Variants in DOCK1 observed in about 807,000 individuals in gnomAD.
DOCK1 encodes the protein dedicator of cytokinesis protein 1.
DOCK1 carries 138 observed loss-of-function variants against 262.7 expected under a neutral mutation model. The observed-to-expected ratio is 0.53, with a 90% confidence interval of 0.46 to 0.61. The LOEUF (loss-of-function observed/expected upper bound fraction) is 0.61, where lower values mean the gene tolerates loss of function less well. DOCK1 is among the 20% of genes least tolerant of loss of function. The probability of loss-of-function intolerance (pLI) is 0.00; values close to 1 mark genes in which losing one functional copy is unlikely to be tolerated. For missense variants in DOCK1, 1,908 were observed against 2,370.7 expected, an observed-to-expected ratio of 0.80 and a Z score of 4.05; for synonymous variants, 866 against 867.4, an observed-to-expected ratio of 1.00 and a Z score of 0.03.
intron 23 of DOCK1, among the ~76,000 whole-genome samples, chr10:127,064,247 A>G (rs2045716949): frequency 6.6e-6 from 1 of 152,126 alleles, no homozygotes; most frequent in African/African-American, 2.4e-5. Context: ...AGTTGGGATT[A>G]CAGGCACCCG....
At chr10:127,222,732 C>T (rs187224433) in intron 27 of DOCK1, among the ~76,000 whole-genome samples, 27 of 151,932 alleles carry the variant, frequency 1.8e-4, no homozygotes, top group Non-Finnish European at 4.0e-4. Flanking sequence ...GTGGTATGAT[C>T]GTGGCTCACT....
intron 27 of DOCK1, among the ~76,000 whole-genome samples, chr10:127,189,085 G>C (rs143409879): frequency 4.6e-5 from 7 of 152,294 alleles, no homozygotes; most frequent in African/African-American, 1.7e-4. Flanking sequence ...GCACACCTTG[G>C]GATGTGTTGT....
chr10:126,906,337 G>C (rs886410947), intron 1 of DOCK1, among the ~76,000 whole-genome samples: 5 of 152,124 alleles, frequency 3.3e-5, no homozygotes, highest in Non-Finnish European at 7.4e-5. Context: ...CTGAATAGAC[G>C]GGCCCGTCCG....
intron 37 of DOCK1, among the ~76,000 whole-genome samples, chr10:127,382,920 A>G (rs1188061215): frequency 1.3e-5 from 2 of 152,212 alleles, no homozygotes; most frequent in Non-Finnish European, 2.9e-5. Flanking sequence ...GCCCAATTGC[A>G]TTGCTGTTTC....
intron 27 of DOCK1, among the ~76,000 whole-genome samples, chr10:127,139,464 C>T (rs966737868): frequency 2.6e-5 from 4 of 151,908 alleles, no homozygotes; most frequent in Non-Finnish European, 5.9e-5. Context: ...ATCCTTTTCC[C>T]TTTTTTCGAA....
At chr10:126,958,330 G>A (rs2134495252) in intron 1 of DOCK1, among the ~76,000 whole-genome samples, 1 of 152,286 alleles carries the variant, frequency 6.6e-6, no homozygotes, top group South Asian at 2.1e-4. Flanking sequence ...CACGGTCTTT[G>A]TGTAATACGC....
chr10:127,054,328 G>C (rs1274743016), intron 22 of DOCK1, among the ~76,000 whole-genome samples: 2 of 152,176 alleles, frequency 1.3e-5, no homozygotes, highest in Non-Finnish European at 2.9e-5. Context: ...GTGTGCTTCT[G>C]TTCACTCTGG....
chr10:127,335,909 G>T (rs1244866303), intron 29 of DOCK1, among the ~76,000 whole-genome samples: 1 of 151,930 alleles, frequency 6.6e-6, no homozygotes, highest in Non-Finnish European at 1.5e-5. Flanking sequence ...GTAGAGACGG[G>T]GTTTCACCAT....
chr10:127,215,630 T>C (rs2058174270), intron 27 of DOCK1, among the ~76,000 whole-genome samples: 1 of 152,184 alleles, frequency 6.6e-6, no homozygotes, highest in African/African-American at 2.4e-5. Flanking sequence ...GCTTTTTGAC[T>C]GATGGGCACT....
chr10:127,224,077 G>T (rs1469424020), intron 27 of DOCK1, among the ~76,000 whole-genome samples: 1 of 152,114 alleles, frequency 6.6e-6, no homozygotes, highest in Non-Finnish European at 1.5e-5. Flanking sequence ...CTTGGGTTTT[G>T]TTTATAATCA....
chr10:127,119,095 G>C (rs1201844228), intron 25 of DOCK1, among the ~76,000 whole-genome samples: 1 of 151,464 alleles, frequency 6.6e-6, no homozygotes, highest in Non-Finnish European at 1.5e-5. Context: ...CCAGGCTGGA[G>C]TGCAGTGGCG....
chr10:127,046,603 C>T (rs1256189392), intron 21 of DOCK1, among the ~76,000 whole-genome samples: 1 of 151,614 alleles, frequency 6.6e-6, no homozygotes, highest in Non-Finnish European at 1.5e-5. Flanking sequence ...AAAAATAAAA[C>T]CCAAAAAGTT....
intron 1 of DOCK1, among the ~76,000 whole-genome samples, chr10:126,919,780 A>G (rs887949496): frequency 2.6e-5 from 4 of 152,160 alleles, no homozygotes; most frequent in Non-Finnish European, 4.4e-5. Flanking sequence ...GTCCCCTGCT[A>G]GACGGAGGGC....
At position 126,970,789 on chromosome 10, in the gene DOCK1, C is replaced by A. The variant is rs200312373; in HGVS notation, c.130+4C>A. On this transcript the variant is annotated splice_donor_region_variant and intron_variant, in intron 2 of 51. Transcript: ENST00000623213. ...CACATCTTAGAAACATATGAAGGTG[C>A]GTATGCATCTTGGTATCTTTTCTCT... 1 of 1,610,632 alleles carries A rather than the reference C, an allele frequency of 6.2e-7. No homozygotes were observed. Among genetic ancestry groups the A allele is most frequent in the South Asian group, 1.1e-5 (1 of 90,524 alleles).
At chr10:126,931,778 C>G (rs1243468328) in intron 1 of DOCK1, among the ~76,000 whole-genome samples, 2 of 152,188 alleles carry the variant, frequency 1.3e-5, no homozygotes, top group African/African-American at 4.8e-5. Context: ...CTTCATCTAT[C>G]GACTGAGGAT....
chr10:127,056,935 G>T (rs150086229), intron 22 of DOCK1, among the ~76,000 whole-genome samples: 1 of 152,272 alleles, frequency 6.6e-6, no homozygotes, highest in Non-Finnish European at 1.5e-5. Flanking sequence ...TAGGGCAGAA[G>T]TCTTCTAGTA....
chr10:127,024,059 C>G (rs1446397066), intron 14 of DOCK1, among the ~76,000 whole-genome samples: 3 of 152,296 alleles, frequency 2.0e-5, no homozygotes, highest in Non-Finnish European at 2.9e-5. Context: ...AAGCTATTGC[C>G]TCCTCTGATG....
chr10:127,022,836 C>T (rs989816815), intron 13 of DOCK1, among the ~76,000 whole-genome samples: 2 of 152,166 alleles, frequency 1.3e-5, no homozygotes, highest in Non-Finnish European at 2.9e-5. Flanking sequence ...CTCAGACAGC[C>T]GTAGCCAGCC....
intron 5 of DOCK1, chr10:126,988,562 G>C (rs1476177814): frequency 1.3e-5 from 2 of 152,076 alleles, no homozygotes; most frequent in Non-Finnish European, 2.9e-5. Flanking sequence ...CTGTAGTCAG[G>C]GTTTCATCTT....
Sources: gnomAD v4.1 joint callset for allele counts (sites outside exome capture counted in the v4.1 genomes callset) on GRCh38, gnomAD v4.1.1 for gene constraint, MANE v1.5 for transcripts, NCBI Gene and HGNC (gene_info 2026-07-23, HGNC 2026-07-21) for gene names.